DIAPH2: variants seen among roughly 807,000 people sequenced by gnomAD.
DIAPH2 encodes the protein diaphanous related formin 2.
A neutral mutation model predicts 92.7 loss-of-function variants in DIAPH2; 35 were observed. The observed-to-expected ratio is 0.38, with a 90% confidence interval of 0.29 to 0.50. The LOEUF is 0.50. Among genes scored for constraint, DIAPH2 ranks in the 20% least tolerant of loss-of-function variants. The probability of loss-of-function intolerance (pLI) is 0.94; values close to 1 mark genes in which losing one functional copy is unlikely to be tolerated. For synonymous variants in DIAPH2, 301 were observed against 280.4 expected, an observed-to-expected ratio of 1.07 and a Z score of -0.73; for missense variants, 701 against 819.5, an observed-to-expected ratio of 0.86 and a Z score of 1.77.
chrX:96,918,448 G>A (rs183517296), intron 8 of DIAPH2, 61 bp from the exon 9 acceptor site: 174 of 703,737 alleles, frequency 2.5e-4, no homozygotes, highest in Non-Finnish European at 3.5e-4. Flanking sequence ...GAAAGGACCG[G>A]TGCTCATAGT....
intron 1 of DIAPH2, among the ~76,000 whole-genome samples, chrX:96,720,776 G>C (rs1009775629): frequency 9.0e-6 from 1 of 111,635 alleles, no homozygotes; most frequent in Admixed American, 9.5e-5. Context: ...CAGAGAGCTT[G>C]CAACAAACCA....
At chrX:97,482,975 T>C (rs1056604480) in intron 26 of DIAPH2, among the ~76,000 whole-genome samples, 16 of 111,028 alleles carry the variant, frequency 1.4e-4, no homozygotes, top group East Asian at 2.8e-4. Context: ...AAAATGACCA[T>C]ATAGCTCCAG....
intron 17 of DIAPH2, among the ~76,000 whole-genome samples, chrX:96,996,905 T>C (rs1473842113): frequency 8.9e-6 from 1 of 111,952 alleles, no homozygotes; most frequent in African/African-American, 3.2e-5. Context: ...AGCCACAAAA[T>C]AAAAGCAATG....
At chrX:97,271,813 GCACACACACACA>G (rs780653047) in intron 23 of DIAPH2, among the ~76,000 whole-genome samples, 12 of 91,553 alleles carry the variant, frequency 1.3e-4, no homozygotes, top group African/African-American at 4.0e-4. Flanking sequence ...ATATATATAT[GCACACACACACA>G]CACACACACA....
intron 1 of DIAPH2, among the ~76,000 whole-genome samples, chrX:96,689,280 A>G (rs1196525238): frequency 9.9e-6 from 1 of 101,193 alleles, no homozygotes; most frequent in Non-Finnish European, 2.0e-5. Flanking sequence ...ATGCCATGTT[A>G]GAGTTTCAAC....
chrX:96,847,132 T>C (rs2064977693), intron 4 of DIAPH2, among the ~76,000 whole-genome samples: 1 of 111,817 alleles, frequency 8.9e-6, no homozygotes, highest in African/African-American at 3.3e-5. Flanking sequence ...GGAAAACTTG[T>C]ATGTGAGCTG....
At chrX:96,999,520 AG>A (rs1264577990) in intron 17 of DIAPH2, among the ~76,000 whole-genome samples, 1 of 105,915 alleles carries the variant, frequency 9.4e-6, no homozygotes, top group East Asian at 2.9e-4. Flanking sequence ...AAAAAAAAAA[AG>A]AGTCTAATTT....
intron 17 of DIAPH2, among the ~76,000 whole-genome samples, chrX:96,983,112 T>C (rs2066008238): frequency 9.0e-6 from 1 of 111,413 alleles, no homozygotes; most frequent in Non-Finnish European, 1.9e-5. Context: ...GGTTTTTTGG[T>C]CTGCTAATGT....
chrX:97,289,959 G>T (rs1453281357), intron 23 of DIAPH2, among the ~76,000 whole-genome samples: 1 of 109,445 alleles, frequency 9.1e-6, no homozygotes, highest in Non-Finnish European at 1.9e-5. Context: ...TGAGCTGTCT[G>T]CCTTGGCCTC....
chrX:97,119,423 C>G (rs2067039391), intron 21 of DIAPH2, among the ~76,000 whole-genome samples: 1 of 111,550 alleles, frequency 9.0e-6, no homozygotes, highest in African/African-American at 3.3e-5. Context: ...GGCCTCTCAG[C>G]TGTAGATACC....
chrX:97,370,093 T>C (rs1388696885), intron 24 of DIAPH2, among the ~76,000 whole-genome samples: 1 of 111,610 alleles, frequency 9.0e-6, no homozygotes, highest in East Asian at 2.8e-4. Context: ...CCCCAGGGAC[T>C]AGAACGGTAT....
chrX:97,208,986 A>G (rs1005711861), intron 22 of DIAPH2, among the ~76,000 whole-genome samples: 7 of 110,260 alleles, frequency 6.3e-5, no homozygotes, highest in Non-Finnish European at 3.8e-5. Flanking sequence ...TACTCTTTCT[A>G]TGTTGCTACC....
chrX:96,837,181 T>C (rs1396240723), intron 4 of DIAPH2, among the ~76,000 whole-genome samples: 1 of 111,214 alleles, frequency 9.0e-6, no homozygotes, highest in East Asian at 2.8e-4. Flanking sequence ...TTTTTAAAAA[T>C]CATTTAATTA....
intron 25 of DIAPH2, among the ~76,000 whole-genome samples, chrX:97,408,521 A>G (rs1447032458): frequency 9.0e-6 from 1 of 111,542 alleles, no homozygotes; most frequent in Non-Finnish European, 1.9e-5. Flanking sequence ...TTTACGAAGT[A>G]AAGTATGTAA....
intron 23 of DIAPH2, among the ~76,000 whole-genome samples, chrX:97,303,314 A>G (rs965474518): frequency 2.6e-4 from 29 of 111,601 alleles, no homozygotes; most frequent in Non-Finnish European, 4.9e-4. Context: ...TGATACTGGA[A>G]CAACAGATCA....
chrX:96,738,592 C>T lies in DIAPH2; in HGVS notation c.172C>T (p.Arg58Ter). The change falls in exon 3 of 27, where the codon CGA (arginine) becomes TGA (stop). Residue 58 changes from arginine to a stop codon, truncating the protein, a stop_gained. Transcript: ENST00000324765. LOFTEE classifies it high-confidence loss of function. ...TATTTATTTTTGTTTGCAGCGTGAC[C>T]GAATTACAAGTTTTAGAAAATCTAC... is the stretch of plus-strand genomic sequence containing the variant. The part of the protein sequence containing the change: ...IKTLADDVRD[R>*]ITSFRKSTVK... The T allele has an allele frequency of 8.4e-7, 1 of 1,190,121 alleles. No homozygotes were observed. The highest frequency in any genetic ancestry group is 1.1e-6 in the Non-Finnish European group (1 of 886,365).
At chrX:97,333,558 C>T (rs2069020122) in intron 23 of DIAPH2, among the ~76,000 whole-genome samples, 1 of 109,619 alleles carries the variant, frequency 9.1e-6, no homozygotes, top group Non-Finnish European at 1.9e-5. Flanking sequence ...ATTCTACTTC[C>T]TTCATATTCC....
chrX:97,055,076 C>T (rs765745023), intron 17 of DIAPH2, among the ~76,000 whole-genome samples: 26 of 101,677 alleles, frequency 2.6e-4, no homozygotes, highest in African/African-American at 7.6e-4. Flanking sequence ...TCACCCAGGC[C>T]GCCATACCTG....
chrX:97,585,687 C>A (rs1433602081), intron 26 of DIAPH2, among the ~76,000 whole-genome samples: 1 of 110,808 alleles, frequency 9.0e-6, no homozygotes, highest in Non-Finnish European at 1.9e-5. Flanking sequence ...AAGAAAATAT[C>A]ACCCCTTTCA....
Sources: gnomAD v4.1 joint callset for allele counts (sites outside exome capture counted in the v4.1 genomes callset) on GRCh38, gnomAD v4.1.1 for gene constraint, MANE v1.5 for transcripts, NCBI Gene and HGNC (gene_info 2026-07-23, HGNC 2026-07-21) for gene names.